DSCAM: variants seen among roughly 807,000 people sequenced by gnomAD.
DSCAM encodes the protein cell adhesion molecule DSCAM.
Under a neutral mutation model 217.7 loss-of-function variants are expected in DSCAM, and 47 were observed. The observed-to-expected ratio is 0.22, with a 90% CI of 0.17 to 0.28. DSCAM has a LOEUF of 0.28. DSCAM is among the 10% of genes least tolerant of loss of function. The pLI is 1.00. For synonymous variants in DSCAM, 1,056 were observed against 1,015.3 expected (o/e 1.04, Z -0.76); for missense variants, 2,080 against 2,618.3 (o/e 0.79, Z 4.49).
At chr21:40,154,214 C>T (rs959289509) in intron 16 of DSCAM, among the ~76,000 whole-genome samples, 1 of 150,186 alleles carries the variant, frequency 6.7e-6, no homozygotes. Flanking sequence ...CCTTCCTTTC[C>T]TTCCTTCCTC....
chr21:40,054,683 C>G (rs1386282037), intron 29 of DSCAM, among the ~76,000 whole-genome samples: 1 of 152,212 alleles, frequency 6.6e-6, no homozygotes, highest in Non-Finnish European at 1.5e-5. Flanking sequence ...CACTCAAAAG[C>G]TTGGATAACT....
At chr21:40,358,735 G>A (rs1258817972) in intron 4 of DSCAM, among the ~76,000 whole-genome samples, 1 of 150,862 alleles carries the variant, frequency 6.6e-6, no homozygotes. Context: ...CCGGGAAGCG[G>A]AGGTTGCAGT....
At chr21:40,541,079 A>C (rs1219776545) in intron 3 of DSCAM, among the ~76,000 whole-genome samples, 1 of 152,172 alleles carries the variant, frequency 6.6e-6, no homozygotes, top group Non-Finnish European at 1.5e-5. Context: ...TTGCATATCA[A>C]TATAATCTTG....
intron 11 of DSCAM, among the ~76,000 whole-genome samples, chr21:40,234,726 G>T (rs903990706): frequency 1.3e-5 from 2 of 152,124 alleles, no homozygotes; most frequent in Non-Finnish European, 2.9e-5. Context: ...GCATCCAGTT[G>T]CCAATTCTTT....
chr21:40,763,738 A>G (rs1282194300), intron 1 of DSCAM, among the ~76,000 whole-genome samples: 5 of 152,246 alleles, frequency 3.3e-5, no homozygotes, highest in African/African-American at 1.2e-4. Context: ...TTCTGGTATC[A>G]AAACAGATAT....
intron 1 of DSCAM, among the ~76,000 whole-genome samples, chr21:40,822,451 A>T (rs916120116): frequency 2.1e-4 from 31 of 146,588 alleles, no homozygotes; most frequent in Admixed American, 2.7e-4. Context: ...TTTTTTTTAA[A>T]AAAAAAGACT....
intron 3 of DSCAM, among the ~76,000 whole-genome samples, chr21:40,456,882 G>A (rs984541004): frequency 1.3e-5 from 2 of 152,022 alleles, no homozygotes; most frequent in Admixed American, 6.6e-5. Context: ...CAAAACCATA[G>A]CAAAGTATTG....
At chr21:40,413,818 G>A (rs185630551) in intron 3 of DSCAM, among the ~76,000 whole-genome samples, 4 of 152,210 alleles carry the variant, frequency 2.6e-5, no homozygotes, top group Admixed American at 2.6e-4. Context: ...AGAGTTAATT[G>A]GTTTTCAACA....
chr21:40,105,869 GTT>G (rs2089813009), intron 20 of DSCAM, among the ~76,000 whole-genome samples: 1 of 152,176 alleles, frequency 6.6e-6, no homozygotes. Flanking sequence ...TAATCATGTA[GTT>G]TTTGTCTTTA....
chr21:40,292,731 T>C (rs1257740283), intron 10 of DSCAM, among the ~76,000 whole-genome samples: 1 of 152,066 alleles, frequency 6.6e-6, no homozygotes, highest in Non-Finnish European at 1.5e-5. Flanking sequence ...TTAGAAGTCA[T>C]TATGATATCT....
intron 10 of DSCAM, among the ~76,000 whole-genome samples, chr21:40,286,439 G>A (rs1471515095): frequency 2.6e-5 from 4 of 152,204 alleles, no homozygotes; most frequent in Admixed American, 2.6e-4. Flanking sequence ...AGGGCATACA[G>A]AGCAGGACAA....
chr21:40,085,606 T>C lies in DSCAM; in HGVS notation c.4128A>G (p.Val1376=), dbSNP rs368138884. 150 of 1,564,114 alleles carry C rather than the reference T, an allele frequency of 9.6e-5. No individual in the cohort carries two copies. The highest frequency in any genetic ancestry group is 1.2e-4 in the Non-Finnish European group (142 of 1,143,290). ...GSDEIILNLQ[V]QVPPDQPRLT... ...AAGAGTCCTCAAATGTTGTACCTTG[T>C]ACTTGTAAGTTTAAAATAATTTCAT... Residue 1376 remains valine, a synonymous_variant, in exon 23 of 33, where the codon GTA becomes GTG. Coordinates refer to ENST00000400454, the MANE Select transcript of DSCAM (RefSeq NM_001389.5).
chr21:40,687,715 G>A (rs950327069), intron 3 of DSCAM, among the ~76,000 whole-genome samples: 5 of 152,130 alleles, frequency 3.3e-5, no homozygotes, highest in African/African-American at 1.2e-4. Context: ...CCTCCTTTCT[G>A]AAACCTTCTC....
chr21:40,338,282 G>A lies in DSCAM; in HGVS notation c.1602C>T (p.Ser534=). ...GGTTAGAGTTCTTGTACCATTTAAT[G>A]GAGTAATACGGATAGCCAATCACAC... The part of the protein sequence containing the change: ...HCRVIGYPYY[S]IKWYKNSNLL... Residue 534 remains serine (S), a synonymous_variant, in exon 8 of 33, where the codon TCC becomes TCT. Transcript: ENST00000400454. 3 of 1,614,228 alleles carry A rather than the reference G, an allele frequency of 1.9e-6. No individual in the cohort carries two copies. Among genetic ancestry groups the A allele is most frequent in the Non-Finnish European group, 2.5e-6 (3 of 1,180,024 alleles).
chr21:40,787,181 C>T (rs2123451471), intron 1 of DSCAM, among the ~76,000 whole-genome samples: 2 of 152,316 alleles, frequency 1.3e-5, no homozygotes, highest in South Asian at 4.1e-4. Flanking sequence ...GGGGCAGAAA[C>T]ACCCTCAAAA....
intron 16 of DSCAM, among the ~76,000 whole-genome samples, chr21:40,147,776 C>T (rs2090375168): frequency 6.6e-6 from 1 of 152,110 alleles, no homozygotes; most frequent in Non-Finnish European, 1.5e-5. Context: ...ATTATATTCC[C>T]ATCTTTACTT....
rs114213900 is a variant in DSCAM, at chr21:40,717,131, G to A, written c.44-8360C>T. ...CTAAAAGTGTTGCACGATTAGGAGA[G>A]GGAGCTACAGGTTTCTTAGATTCAT... On this transcript the variant is annotated intron_variant, in intron 1 of 32. Coordinates refer to ENST00000400454, the MANE Select transcript of DSCAM (RefSeq NM_001389.5). Among the ~76,000 whole-genome samples, 480 of 152,310 alleles carry A rather than the reference G, an allele frequency of 3.2e-3. 5 individuals are homozygous for A. The highest frequency in any genetic ancestry group is 0.01 in the African/African-American group (432 of 41,566).
chr21:40,787,782 T>G (rs1196841159), intron 1 of DSCAM, among the ~76,000 whole-genome samples: 1 of 151,674 alleles, frequency 6.6e-6, no homozygotes, highest in African/African-American at 2.4e-5. Context: ...CTTAAGAGAG[T>G]ATAAGGATCA....
At chr21:40,693,451 G>C (rs574025174) in intron 2 of DSCAM, among the ~76,000 whole-genome samples, 1 of 152,098 alleles carries the variant, frequency 6.6e-6, no homozygotes, top group Non-Finnish European at 1.5e-5. Context: ...CAAGGGGCCA[G>C]AGTATAATCG....
Sources: allele counts gnomAD v4.1 joint callset (sites outside exome capture counted in the v4.1 genomes callset), GRCh38; gene constraint gnomAD v4.1.1; transcripts MANE v1.5; gene names NCBI Gene and HGNC (gene_info 2026-07-23, HGNC 2026-07-21).